Variants in CA10 observed in about 807,000 individuals in gnomAD.
The protein encoded by CA10 is carbonic anhydrase-related protein 10.
Under a neutral mutation model 44.2 loss-of-function variants are expected in CA10, and 14 were observed. The ratio of observed to expected loss-of-function variants is 0.32; its 90% CI spans 0.21 to 0.50. The LOEUF (loss-of-function observed/expected upper bound fraction) is 0.50. Among genes scored for constraint, CA10 ranks in the 20% least tolerant of loss-of-function variants. CA10 has a pLI of 0.99. For missense variants in CA10, 350 were observed against 409.7 expected (o/e 0.85, Z 1.26); for synonymous variants, 159 against 141.6 (o/e 1.12, Z -0.87).
chr17:52,030,046 C>T lies in CA10; in HGVS notation c.136+42273G>A, dbSNP rs1474859747. Among the ~76,000 whole-genome samples the T allele has an allele frequency of 2.0e-5, 3 of 152,178 alleles. No homozygotes were observed. In the South Asian group the frequency reaches 6.2e-4, roughly 32 times the overall value. ...GCAGAGTGCAGAGAGAATGACTTTGCTCTTCATACCCTAAAATTGAGTCCA... is the reference window on the plus strand; with the variant it reads ...GCAGAGTGCAGAGAGAATGACTTTGTTCTTCATACCCTAAAATTGAGTCCA... On this transcript the variant is annotated intron_variant, in intron 2 of 8. Transcript: ENST00000451037.
At chr17:51,705,581 G>T (rs1373367408) in intron 4 of CA10, among the ~76,000 whole-genome samples, 3 of 151,894 alleles carry the variant, frequency 2.0e-5, no homozygotes, top group Admixed American at 6.6e-5. Flanking sequence ...CATACCCGGA[G>T]ATGAGGACAG....
chr17:51,661,316 C>A (rs918345163), intron 4 of CA10, among the ~76,000 whole-genome samples: 1 of 152,142 alleles, frequency 6.6e-6, no homozygotes, highest in African/African-American at 2.4e-5. Context: ...GAGAACAAGG[C>A]GCTTGGCTGA....
At chr17:51,745,641 T>C (rs1454784870) in intron 4 of CA10, among the ~76,000 whole-genome samples, 2 of 152,222 alleles carry the variant, frequency 1.3e-5, no homozygotes, top group Non-Finnish European at 2.9e-5. Flanking sequence ...TCTAAAATTG[T>C]GGTTCACGTA....
At chr17:51,718,963 A>C (rs1394345331) in intron 4 of CA10, among the ~76,000 whole-genome samples, 1 of 152,202 alleles carries the variant, frequency 6.6e-6, no homozygotes, top group Non-Finnish European at 1.5e-5. Flanking sequence ...CTCTACTTAT[A>C]GCACAGCATC....
At chr17:52,095,689 G>A (rs994133890) in intron 1 of CA10, among the ~76,000 whole-genome samples, 1 of 152,190 alleles carries the variant, frequency 6.6e-6, no homozygotes, top group East Asian at 1.9e-4. Context: ...TCTCACCTGT[G>A]TCAGGAAGCA....
intron 3 of CA10, among the ~76,000 whole-genome samples, chr17:51,845,079 T>C (rs1381958269): frequency 6.6e-6 from 1 of 152,134 alleles, no homozygotes; most frequent in Non-Finnish European, 1.5e-5. Flanking sequence ...CCACCAGGAA[T>C]GAGGAAGATG....
chr17:51,703,949 A>T (rs1201215641), intron 4 of CA10, among the ~76,000 whole-genome samples: 1 of 151,856 alleles, frequency 6.6e-6, no homozygotes, highest in East Asian at 1.9e-4. Flanking sequence ...GATAAGAAGG[A>T]TGTCCTATGG....
At chr17:51,817,976 T>C (rs535081509) in intron 3 of CA10, among the ~76,000 whole-genome samples, 9 of 152,228 alleles carry the variant, frequency 5.9e-5, no homozygotes, top group Admixed American at 4.6e-4. Flanking sequence ...AACCCAACAT[T>C]GCTTTCTCCA....
intron 2 of CA10, among the ~76,000 whole-genome samples, chr17:52,002,774 T>C (rs1410536924): frequency 6.6e-6 from 1 of 151,914 alleles, no homozygotes; most frequent in Non-Finnish European, 1.5e-5. Context: ...CATTTCCACA[T>C]TCCCTCATAT....
chr17:51,692,464 A>T (rs1455284961), intron 4 of CA10, among the ~76,000 whole-genome samples: 1 of 151,196 alleles, frequency 6.6e-6, no homozygotes. Context: ...TTTTTTTAAA[A>T]CCTAAGATTA....
intron 3 of CA10, among the ~76,000 whole-genome samples, chr17:51,885,011 T>C (rs1980536211): frequency 6.6e-6 from 1 of 152,218 alleles, no homozygotes; most frequent in African/African-American, 2.4e-5. Context: ...CTCATCTTAG[T>C]TCGACTGTAT....
chr17:52,113,238 G>C (rs553475544), intron 1 of CA10, among the ~76,000 whole-genome samples: 3 of 152,290 alleles, frequency 2.0e-5, no homozygotes, highest in Non-Finnish European at 4.4e-5. Context: ...CTGTAAGGTA[G>C]GAATGTAAAG....
At chr17:51,844,842 C>T (rs1978420613) in intron 3 of CA10, among the ~76,000 whole-genome samples, 1 of 152,130 alleles carries the variant, frequency 6.6e-6, no homozygotes, top group South Asian at 2.1e-4. Flanking sequence ...CACCCACACC[C>T]ACCGCACAAA....
At chr17:52,041,412 T>C (rs560632782) in intron 2 of CA10, among the ~76,000 whole-genome samples, 113 of 152,168 alleles carry the variant, frequency 7.4e-4, no homozygotes, top group African/African-American at 2.6e-3. Context: ...GATTAGAAGA[T>C]AAATGGAAGC....
chr17:52,112,006 A>G (rs139997207), intron 1 of CA10, among the ~76,000 whole-genome samples: 8 of 152,226 alleles, frequency 5.3e-5, no homozygotes, highest in Non-Finnish European at 5.9e-5. Flanking sequence ...GATAACATAT[A>G]AAAGGAAATG....
intron 3 of CA10, among the ~76,000 whole-genome samples, chr17:51,886,948 C>T (rs897334210): frequency 6.6e-6 from 1 of 152,046 alleles, no homozygotes; most frequent in African/African-American, 2.4e-5. Flanking sequence ...TTACTTATGC[C>T]ATCAGCTCCC....
intron 1 of CA10, among the ~76,000 whole-genome samples, chr17:52,077,455 T>C (rs1987846567): frequency 1.3e-5 from 2 of 152,266 alleles, no homozygotes; most frequent in South Asian, 4.1e-4. Flanking sequence ...TTTGCCATTG[T>C]AGCACAAAAA....
intron 3 of CA10, among the ~76,000 whole-genome samples, chr17:51,849,072 T>C (rs1035254387): frequency 2.7e-5 from 4 of 149,776 alleles, no homozygotes; most frequent in African/African-American, 9.8e-5. Flanking sequence ...TCTTTATATG[T>C]ATTTATGTAT....
intron 4 of CA10, among the ~76,000 whole-genome samples, chr17:51,661,358 G>C (rs114021679): frequency 2.0e-5 from 3 of 152,290 alleles, no homozygotes; most frequent in African/African-American, 4.8e-5. Context: ...AATTCCAAAG[G>C]TTATCTCTAA....
Sources: allele counts gnomAD v4.1 joint callset (sites outside exome capture counted in the v4.1 genomes callset), GRCh38; gene constraint gnomAD v4.1.1; transcripts MANE v1.5; gene names NCBI Gene and HGNC (gene_info 2026-07-23, HGNC 2026-07-21).